The following LMF1 variants were observed in gnomAD, a reference collection of about 807,000 sequenced individuals.
LMF1 encodes transmembrane protein 112.
Under a neutral mutation model 60.6 loss-of-function variants are expected in LMF1, and 68 were observed. The observed-to-expected ratio is 1.12, with a 90% CI of 0.92 to 1.37. LMF1 has a LOEUF of 1.37. LMF1 is among the 40% of genes most tolerant of loss of function. The probability of loss-of-function intolerance (pLI) is 0.00; values close to 1 mark genes in which losing one functional copy is unlikely to be tolerated. For synonymous variants in LMF1, 418 were observed against 324.7 expected (o/e 1.29, Z -3.09); for missense variants, 948 against 767.2 (o/e 1.24, Z -2.78).
intron 4 of LMF1, among the ~76,000 whole-genome samples, chr16:904,348 A>ACTGCCTG (rs2070912808): frequency 9.9e-6 from 1 of 100,842 alleles, no homozygotes. Context: ...TGACCTCTGC[A>ACTGCCTG]TCGCCCACAG....
intron 3 of LMF1, among the ~76,000 whole-genome samples, chr16:927,064 C>A (rs1361762371): frequency 6.6e-6 from 1 of 152,138 alleles, no homozygotes; most frequent in Non-Finnish European, 1.5e-5. Flanking sequence ...GAGACTCAGG[C>A]CCAGAGGCCT....
chr16:894,396 CCT>C (rs1491050777), intron 4 of LMF1, among the ~76,000 whole-genome samples: 10 of 151,338 alleles, frequency 6.6e-5, no homozygotes, highest in Middle Eastern at 3.4e-3. Context: ...CCACCTGTCC[CCT>C]GTCCACTGGA....
chr16:858,332 GAGTGGTGTCTCGGGACGGGTGTGC>G (rs1567133777), intron 10 of LMF1, among the ~76,000 whole-genome samples: 1 of 47,652 alleles, frequency 2.1e-5, no homozygotes. Flanking sequence ...GGATGGGTGT[GAGTGGTGTCTCGGGACGGGTGTGC>G]AGTGGTGTCT....
intron 6 of LMF1, chr16:872,164 C>A (rs187850305): frequency 5.9e-5 from 9 of 152,308 alleles, no homozygotes; most frequent in African/African-American, 2.2e-4. Flanking sequence ...GGGCAGCTTG[C>A]GTGGCCGGTC....
intron 2 of LMF1, among the ~76,000 whole-genome samples, chr16:935,571 T>TAAAAAAAAAA (rs10674839): frequency 1.4e-5 from 2 of 142,416 alleles, no homozygotes; most frequent in Non-Finnish European, 3.0e-5. Context: ...GCTGATGAGC[T>TAAAAAAAAAA]AAAAAAAAAA....
At chr16:946,696 A>G (rs2072246015) in intron 2 of LMF1, among the ~76,000 whole-genome samples, 1 of 152,166 alleles carries the variant, frequency 6.6e-6, no homozygotes, top group South Asian at 2.1e-4. Flanking sequence ...CACAGGTCCA[A>G]CCTCAAGCCA....
At chr16:928,054 A>G (rs1390184746) in intron 3 of LMF1, among the ~76,000 whole-genome samples, 1 of 152,180 alleles carries the variant, frequency 6.6e-6, no homozygotes, top group Non-Finnish European at 1.5e-5. Context: ...AAATAACCGA[A>G]TTCCAGCACA....
rs1459904359 is a variant in LMF1 at position 949,901 on chromosome 16, G to A, written c.503+4456C>T. 8.5e-5 allele frequency among the ~76,000 whole-genome samples: 9 copies of A among 105,718 alleles called. 2 individuals carry two copies. Among genetic ancestry groups the A allele is most frequent in the Non-Finnish European group, 3.5e-5 (2 of 56,846 alleles). 69.4% of individuals were successfully genotyped at this position (105,718 alleles called of 152,430 possible). The stretch of plus-strand genomic sequence containing the variant: ...AGCCAACGACAGAATCAGAGACAAC[G>A]ACAGAGTCAGCCAACGACAGAGTCA... On this transcript the variant is annotated intron_variant, in intron 2 of 10. Transcript: ENST00000262301.
At chr16:922,265 C>T (rs112597877) in intron 3 of LMF1, among the ~76,000 whole-genome samples, 7,518 of 152,230 alleles carry the variant, frequency 0.049, 214 homozygotes, top group Non-Finnish European at 0.067. Flanking sequence ...ATCTCGCCTC[C>T]GATGCAAGGT....
chr16:876,780 G>A (rs568609581), intron 6 of LMF1, among the ~76,000 whole-genome samples: 3 of 152,092 alleles, frequency 2.0e-5, no homozygotes, highest in African/African-American at 7.2e-5. Flanking sequence ...CCCAAACTGA[G>A]ACCTTCAGTA....
intron 2 of LMF1, among the ~76,000 whole-genome samples, chr16:940,696 C>T (rs12597461): frequency 0.48 from 72,444 of 152,058 alleles, 18,904 homozygotes; most frequent in African/African-American, 0.69. Flanking sequence ...GTCTCAGAAC[C>T]GCAACCGTGT....
intron 3 of LMF1, among the ~76,000 whole-genome samples, chr16:932,228 G>A (rs12446764): frequency 0.15 from 23,087 of 152,188 alleles, 1,797 homozygotes; most frequent in South Asian, 0.2. Flanking sequence ...CTCACAGGCG[G>A]GGGCACGGGG....
intron 4 of LMF1, among the ~76,000 whole-genome samples, chr16:910,699 T>C (rs1029063688): frequency 2.0e-5 from 3 of 152,070 alleles, no homozygotes; most frequent in Non-Finnish European, 4.4e-5. Flanking sequence ...AGAGGTGTGG[T>C]TCTGTCCCAG....
Position 939,952 on chromosome 16 carries a change from AATTAAGTTAAGG to A in LMF1, c.504-5710_504-5699del, listed in dbSNP as rs2072050918. ...TTGGAAAAGGGGTCTCTGTGGAGGT[AATTAAGTTAAGG>A]ATCTCGAGGTGAGGGCGTCCTGGAC... On this transcript the variant is annotated intron_variant, in intron 2 of 10. Coordinates refer to ENST00000262301, the MANE Select transcript of LMF1 (RefSeq NM_022773.4). Among the ~76,000 whole-genome samples, 3 of 152,080 alleles carry A rather than the reference AATTAAGTTAAGG, an allele frequency of 2.0e-5. 1 individual carries two copies. The South Asian group carries it at 6.2e-4, about 32-fold the overall frequency.
intron 6 of LMF1, among the ~76,000 whole-genome samples, chr16:876,573 C>A (rs1242728258): frequency 2.0e-5 from 3 of 152,214 alleles, no homozygotes. Context: ...CCTTTGTAGT[C>A]TCTGCACAGT....
chr16:950,805 G>GACGACAGAGTCAGCCA lies in LMF1; in HGVS notation c.503+3536_503+3551dup, dbSNP rs1482305571. On this transcript the variant is annotated intron_variant, in intron 2 of 10. Transcript: ENST00000262301. Reference sequence around the variant, plus strand: ...ACAGAGTCAGCCAATGACAGAGTCAGACGACAGAGTCAGCCAACGACAGAG... The same window carrying GACGACAGAGTCAGCCA: ...ACAGAGTCAGCCAATGACAGAGTCAGACGACAGAGTCAGCCAACGACAGAGTCAGCCAACGACAGAG... Among the ~76,000 whole-genome samples, 3 of 111,364 alleles carry GACGACAGAGTCAGCCA rather than the reference G, an allele frequency of 2.7e-5. 1 individual carries two copies. The highest frequency in any genetic ancestry group is 5.3e-5 in the Non-Finnish European group (3 of 56,260). 73.1% of individuals were successfully genotyped at this position (111,364 alleles called of 152,430 possible).
At chr16:969,223 G>C (rs1041850639) in intron 1 of LMF1, among the ~76,000 whole-genome samples, 1 of 152,214 alleles carries the variant, frequency 6.6e-6, no homozygotes, top group South Asian at 2.1e-4. Flanking sequence ...GCTGAGGCAG[G>C]AGAATCGCTT....
chr16:891,386 G>A (rs1424024644), intron 5 of LMF1, among the ~76,000 whole-genome samples: 1 of 152,270 alleles, frequency 6.6e-6, no homozygotes, highest in Non-Finnish European at 1.5e-5. Flanking sequence ...CATAGAGAAG[G>A]CATCAGAGTG....
Position 893,076 on chromosome 16 carries a change from C to T in LMF1, c.664-4G>A. 1.3e-6 allele frequency: 2 copies of T among 1,553,524 alleles called. No individual in the cohort carries two copies. Among genetic ancestry groups the T allele is most frequent in the Non-Finnish European group, 1.7e-6 (2 of 1,148,662 alleles). On this transcript the variant is annotated splice_region_variant and splice_polypyrimidine_tract_variant and intron_variant, in intron 4 of 10. Transcript: ENST00000262301. The stretch of plus-strand genomic sequence containing the variant: ...CCCCCCGGATCTTGATCAGGCCCTG[C>T]AAGGAAGAGAGCAGAGGGAGAGTCA...
Sources: gnomAD v4.1 joint callset for allele counts (sites outside exome capture counted in the v4.1 genomes callset) on GRCh38, gnomAD v4.1.1 for gene constraint, MANE v1.5 for transcripts, NCBI Gene and HGNC (gene_info 2026-07-23, HGNC 2026-07-21) for gene names.